The following SPG21 variants were observed in gnomAD, a reference collection of about 807,000 sequenced individuals.
SPG21 encodes maspardin.
SPG21 carries 26 observed loss-of-function variants against 38.9 expected under a neutral mutation model. The ratio of observed to expected loss-of-function variants is 0.67; its 90% CI spans 0.49 to 0.93. SPG21 has a LOEUF of 0.93. SPG21 is among the 40% of genes least tolerant of loss of function. SPG21 has a pLI of 0.00. For synonymous variants in SPG21, 136 were observed against 128.9 expected, an observed-to-expected ratio of 1.05 and a Z score of -0.37; for missense variants, 333 against 376.5, an observed-to-expected ratio of 0.88 and a Z score of 0.96.
chr15:64,984,917 T>G (rs2085959922), intron 1 of SPG21, among the ~76,000 whole-genome samples: 1 of 151,958 alleles, frequency 6.6e-6, no homozygotes, highest in Non-Finnish European at 1.5e-5. Context: ...GCCCGGCTAA[T>G]TTTTTGTATT....
chr15:64,986,718 A>C (rs1331876594), intron 1 of SPG21, among the ~76,000 whole-genome samples: 3 of 141,056 alleles, frequency 2.1e-5, no homozygotes, highest in African/African-American at 7.7e-5. Flanking sequence ...AACAAAAAAC[A>C]AAAAAACAAA....
intron 7 of SPG21, 105 bp downstream of exon 7, chr15:64,969,150 A>T: frequency 2.5e-6 from 2 of 804,202 alleles, no homozygotes; most frequent in Middle Eastern, 5.3e-4. Flanking sequence ...AAGCCAAGGC[A>T]GCATTTGAAG....
intron 8 of SPG21, 60 bp from the exon 9 acceptor site, chr15:64,963,796 G>A: frequency 6.6e-7 from 1 of 1,506,886 alleles, no homozygotes; most frequent in Non-Finnish European, 9.2e-7. Context: ...CACTCTTGTT[G>A]CCCAGGCTGG....
At chr15:64,966,345 T>C (rs2085539719) in intron 7 of SPG21, among the ~76,000 whole-genome samples, 1 of 152,188 alleles carries the variant, frequency 6.6e-6, no homozygotes, top group Non-Finnish European at 1.5e-5. Context: ...AAAAATTGTA[T>C]ACTAAATATA....
intron 1 of SPG21, chr15:64,989,306 GA>G (rs2086067664): frequency 6.6e-6 from 1 of 152,174 alleles, no homozygotes; most frequent in East Asian, 1.9e-4. Flanking sequence ...AAGAAAGAAA[GA>G]AATGTTCCTG....
intron 1 of SPG21, among the ~76,000 whole-genome samples, chr15:64,984,047 G>A (rs1251862118): frequency 6.6e-6 from 1 of 152,120 alleles, no homozygotes; most frequent in African/African-American, 2.4e-5. Flanking sequence ...GCCTCCTAAA[G>A]TGTTGGGATT....
At chr15:64,974,785 T>G in intron 4 of SPG21, 38 bp from the exon 5 acceptor site, 1 of 1,613,188 alleles carries the variant, frequency 6.2e-7, no homozygotes, top group Non-Finnish European at 8.5e-7. Flanking sequence ...TCTGAAATAC[T>G]GATCAATCTT....
intron 1 of SPG21, among the ~76,000 whole-genome samples, chr15:64,984,818 C>T (rs1199383013): frequency 4.0e-5 from 6 of 149,462 alleles, no homozygotes; most frequent in African/African-American, 1.2e-4. Flanking sequence ...GGCGTGATCT[C>T]AGCTCACTGC....
At chr15:64,969,712 C>A (rs1348420019) in intron 6 of SPG21, among the ~76,000 whole-genome samples, 2 of 145,928 alleles carry the variant, frequency 1.4e-5, no homozygotes, top group Non-Finnish European at 3.0e-5. Flanking sequence ...TTAAGATAAA[C>A]CTTTAAGGGA....
chr15:64,968,273 G>A (rs551939136), intron 7 of SPG21, among the ~76,000 whole-genome samples: 54 of 147,782 alleles, frequency 3.7e-4, no homozygotes, highest in African/African-American at 1.3e-3. Context: ...CCGGGAGGCA[G>A]AGGTTGCAGT....
intron 3 of SPG21, among the ~76,000 whole-genome samples, chr15:64,978,052 C>T (rs1023397206): frequency 6.7e-6 from 1 of 148,818 alleles, no homozygotes; most frequent in African/African-American, 2.5e-5. Flanking sequence ...AGGATGGTCT[C>T]GATCTCCTGA....
At chr15:64,969,632 G>A (rs1183565948) in intron 6 of SPG21, among the ~76,000 whole-genome samples, 4 of 151,268 alleles carry the variant, frequency 2.6e-5, no homozygotes, top group Admixed American at 2.6e-4. Context: ...CCAGCCAGGT[G>A]CCCATGGGCA....
intron 7 of SPG21, among the ~76,000 whole-genome samples, chr15:64,968,917 T>A (rs61185658): frequency 0.89 from 135,357 of 152,100 alleles, 61,222 homozygotes; most frequent in East Asian, 0.99. Flanking sequence ...TATTTTTTTT[T>A]AATAAATACA....
chr15:64,986,969 A>G (rs758416139), intron 1 of SPG21, among the ~76,000 whole-genome samples: 1 of 152,230 alleles, frequency 6.6e-6, no homozygotes, highest in East Asian at 1.9e-4. Context: ...ACATCTACTC[A>G]ATAGATTTAT....
chr15:64,987,205 G>C (rs575744687), intron 1 of SPG21: 1 of 152,298 alleles, frequency 6.6e-6, no homozygotes, highest in Admixed American at 6.5e-5. Flanking sequence ...AACCACCTCA[G>C]GATGCCAACG....
intron 2 of SPG21, 135 bp from the exon 3 acceptor site, chr15:64,981,160 A>C: frequency 1.0e-6 from 1 of 975,482 alleles, no homozygotes; most frequent in East Asian, 2.6e-5. Flanking sequence ...CTCACACCAG[A>C]TTAGCATGCA....
intron 7 of SPG21, among the ~76,000 whole-genome samples, chr15:64,969,051 T>A (rs1566924987): frequency 6.6e-6 from 1 of 152,112 alleles, no homozygotes; most frequent in Non-Finnish European, 1.5e-5. Flanking sequence ...CTATTTTGAT[T>A]TCAATGGTGT....
chr15:64,981,290 T>C (rs2085881251), intron 2 of SPG21: 1 of 66,132 alleles, frequency 1.5e-5, no homozygotes, highest in Non-Finnish European at 4.1e-5. Context: ...CCCCTCCTCC[T>C]TTTTTTTTTT....
intron 6 of SPG21, 24 bp from the exon 7 acceptor site, chr15:64,969,386 G>A (rs1193456907): frequency 2.7e-6 from 4 of 1,507,750 alleles, no homozygotes; most frequent in Non-Finnish European, 3.7e-6. Context: ...CACAGGTAAA[G>A]TTTTTGAAAT....
Sources: gnomAD v4.1 joint callset for allele counts (sites outside exome capture counted in the v4.1 genomes callset) on GRCh38, gnomAD v4.1.1 for gene constraint, MANE v1.5 for transcripts, NCBI Gene and HGNC (gene_info 2026-07-23, HGNC 2026-07-21) for gene names.